The following LRP1B variants were observed in gnomAD, a reference collection of about 807,000 sequenced individuals.
LRP1B encodes the protein LDL receptor related protein 1B.
LRP1B carries 217 observed loss-of-function variants against 556.6 expected under a neutral mutation model. The ratio of observed to expected loss-of-function variants is 0.39; its 90% CI spans 0.35 to 0.44. The LOEUF is 0.44. Ranked by LOEUF, LRP1B falls within the 20% of genes least tolerant of loss-of-function variation. The pLI is 1.00. For missense variants in LRP1B, 5,053 were observed against 5,620.8 expected (o/e 0.90, Z 3.23); for synonymous variants, 2,047 against 1,865.8 (o/e 1.10, Z -2.50).
chr2:140,356,252 T>G, intron 75 of LRP1B, 90 bp downstream of exon 75: 1 of 1,312,324 alleles, frequency 7.6e-7, no homozygotes, highest in Non-Finnish European at 1.1e-6. Context: ...TTGATGAAAG[T>G]CAATCCCCTG....
intron 2 of LRP1B, among the ~76,000 whole-genome samples, chr2:141,781,335 C>A (rs775497069): frequency 6.6e-6 from 1 of 152,084 alleles, no homozygotes; most frequent in African/African-American, 2.4e-5. Flanking sequence ...AAACCCTAGT[C>A]GTGCAAAAAA....
chr2:140,549,056 C>T (rs1031219801), intron 43 of LRP1B, among the ~76,000 whole-genome samples: 1 of 152,126 alleles, frequency 6.6e-6, no homozygotes, highest in African/African-American at 2.4e-5. Context: ...AATTACCCTC[C>T]CATATGAGCA....
chr2:141,102,433 G>C (rs929352001), intron 7 of LRP1B, among the ~76,000 whole-genome samples: 1 of 152,010 alleles, frequency 6.6e-6, no homozygotes, highest in African/African-American at 2.4e-5. Context: ...AATTAGGGAG[G>C]AAAGGGATTA....
At chr2:140,920,889 T>A (rs1694718652) in intron 21 of LRP1B, among the ~76,000 whole-genome samples, 1 of 152,036 alleles carries the variant, frequency 6.6e-6, no homozygotes, top group Non-Finnish European at 1.5e-5. Flanking sequence ...AATCCAAATC[T>A]CAAGTCAACA....
intron 7 of LRP1B, among the ~76,000 whole-genome samples, chr2:141,074,270 T>C (rs190493035): frequency 2.0e-5 from 3 of 152,252 alleles, no homozygotes; most frequent in African/African-American, 7.2e-5. Flanking sequence ...TAATGTCTGC[T>C]ATGCTTTTCC....
At chr2:140,502,413 T>A (rs1319101514) in intron 54 of LRP1B, among the ~76,000 whole-genome samples, 1 of 151,962 alleles carries the variant, frequency 6.6e-6, no homozygotes. Context: ...ATACTCACCA[T>A]CATACATGCT....
intron 41 of LRP1B, among the ~76,000 whole-genome samples, chr2:140,633,358 G>T (rs1683960323): frequency 6.6e-6 from 1 of 152,034 alleles, no homozygotes; most frequent in Non-Finnish European, 1.5e-5. Context: ...TGCATTAAAT[G>T]CATATATTAT....
chr2:140,981,241 T>C (rs981863468), intron 18 of LRP1B, among the ~76,000 whole-genome samples: 2 of 151,878 alleles, frequency 1.3e-5, no homozygotes, highest in African/African-American at 2.4e-5. Flanking sequence ...TCCAAAACTA[T>C]TGGAATTTTA....
intron 7 of LRP1B, among the ~76,000 whole-genome samples, chr2:141,070,560 C>A (rs1332195072): frequency 6.6e-6 from 1 of 151,966 alleles, no homozygotes; most frequent in African/African-American, 2.4e-5. Context: ...ATTAATGAAT[C>A]CAGGAGCTGG....
chr2:140,320,431 G>T (rs1176441300), intron 82 of LRP1B, among the ~76,000 whole-genome samples: 1 of 152,126 alleles, frequency 6.6e-6, no homozygotes, highest in Non-Finnish European at 1.5e-5. Flanking sequence ...TCATGCAGAG[G>T]TGGAGATGCT....
chr2:140,251,301 A>G (rs763059155), intron 86 of LRP1B, among the ~76,000 whole-genome samples: 2 of 151,838 alleles, frequency 1.3e-5, no homozygotes, highest in Non-Finnish European at 1.5e-5. Flanking sequence ...GTCTAAAATA[A>G]TAACTCTGAA....
At chr2:140,815,464 G>T (rs147150463) in intron 31 of LRP1B, among the ~76,000 whole-genome samples, 2 of 151,978 alleles carry the variant, frequency 1.3e-5, no homozygotes, top group Non-Finnish European at 2.9e-5. Context: ...GAGCCACCTC[G>T]CCTAGTTCTA....
At position 140,700,625 on chromosome 2, in the gene LRP1B, A is replaced by G. The variant is rs2105422261; in HGVS notation, c.6428-4T>C. ...TCCCTGGCACAAACATTGGTCCCTA[A>G]TGAAGAAAAATGATACACACATGCA... On this transcript the variant is annotated splice_region_variant and splice_polypyrimidine_tract_variant and intron_variant, in intron 40 of 90. Transcript: ENST00000389484. 1 of 1,613,132 alleles carries G rather than the reference A, an allele frequency of 6.2e-7. No individual in the cohort carries two copies. Among genetic ancestry groups the G allele is most frequent in the Non-Finnish European group, 8.5e-7 (1 of 1,179,360 alleles).
intron 1 of LRP1B, among the ~76,000 whole-genome samples, chr2:142,088,992 A>AG (rs1559065036): frequency 8.4e-5 from 3 of 35,672 alleles, no homozygotes; most frequent in African/African-American, 1.6e-4. Context: ...AAAAAAAAAA[A>AG]AAAAGAAAAA....
At chr2:142,102,660 A>T (rs1278257883) in intron 1 of LRP1B, among the ~76,000 whole-genome samples, 1 of 151,758 alleles carries the variant, frequency 6.6e-6, no homozygotes, top group African/African-American at 2.4e-5. Flanking sequence ...TTGCTATGAA[A>T]CTCGTGCCAC....
At chr2:140,312,472 A>T (rs1684343202) in intron 83 of LRP1B, among the ~76,000 whole-genome samples, 1 of 152,002 alleles carries the variant, frequency 6.6e-6, no homozygotes, top group Admixed American at 6.6e-5. Flanking sequence ...TATAGAGAAT[A>T]AATGTTCATA....
chr2:140,402,739 T>C (rs1443487018), intron 66 of LRP1B, among the ~76,000 whole-genome samples: 2 of 152,184 alleles, frequency 1.3e-5, no homozygotes, highest in Admixed American at 1.3e-4. Context: ...CTGGGACCTC[T>C]GACAACATTG....
At chr2:140,402,922 C>T (rs536389524) in intron 66 of LRP1B, among the ~76,000 whole-genome samples, 1 of 152,242 alleles carries the variant, frequency 6.6e-6, no homozygotes, top group East Asian at 1.9e-4. Flanking sequence ...GAGACCTCTG[C>T]CATTACAACT....
chr2:140,414,733 A>C (rs2105254038), intron 66 of LRP1B, among the ~76,000 whole-genome samples: 1 of 152,324 alleles, frequency 6.6e-6, no homozygotes, highest in East Asian at 1.9e-4. Context: ...CCACTGTGAT[A>C]ATTGTGTTAA....
Sources: gnomAD v4.1 joint callset for allele counts (sites outside exome capture counted in the v4.1 genomes callset) on GRCh38, gnomAD v4.1.1 for gene constraint, MANE v1.5 for transcripts, NCBI Gene and HGNC (gene_info 2026-07-23, HGNC 2026-07-21) for gene names.